SNX1: variants seen among roughly 807,000 people sequenced by gnomAD.
SNX1 encodes sorting nexin 1.
SNX1 carries 36 observed loss-of-function variants against 71.8 expected under a neutral mutation model. The ratio of observed to expected loss-of-function variants is 0.50; its 90% CI spans 0.38 to 0.66. The LOEUF is 0.66. SNX1 is among the 30% of genes least tolerant of loss of function. The probability of loss-of-function intolerance (pLI) is 0.00; values close to 1 mark genes in which losing one functional copy is unlikely to be tolerated. For synonymous variants in SNX1, 254 were observed against 240.7 expected (o/e 1.06, Z -0.51); for missense variants, 612 against 646.7 (o/e 0.95, Z 0.58).
chr15:64,108,245 C>A (rs1193933547), intron 1 of SNX1, among the ~76,000 whole-genome samples: 1 of 151,684 alleles, frequency 6.6e-6, no homozygotes, highest in Non-Finnish European at 1.5e-5. Context: ...TTGGTTTTGC[C>A]ATTGAATGTA....
Position 64,118,103 on chromosome 15 carries a change from C to A in SNX1, c.272-14C>A, listed in dbSNP as rs745897768. The A allele has an allele frequency of 4.3e-6, 7 of 1,609,290 alleles. No individual in the cohort carries two copies. Among genetic ancestry groups the A allele is most frequent in the Non-Finnish European group, 5.9e-6 (7 of 1,178,534 alleles). On this transcript the variant is annotated splice_polypyrimidine_tract_variant and intron_variant, in intron 2 of 14. Coordinates refer to ENST00000559844, the MANE Select transcript of SNX1 (RefSeq NM_003099.5). ...ATTACTGACCTTCATTTTAAAATAT[C>A]AACTTCATTTTAGATGCCACAGTGG...
At chr15:64,122,200 A>T (rs1277383736) in intron 4 of SNX1, among the ~76,000 whole-genome samples, 1 of 151,480 alleles carries the variant, frequency 6.6e-6, no homozygotes, top group African/African-American at 2.4e-5. Flanking sequence ...CTTCTTGGAC[A>T]TTTGACCATA....
chr15:64,101,231 T>G (rs761500956), intron 1 of SNX1, among the ~76,000 whole-genome samples: 1 of 152,230 alleles, frequency 6.6e-6, no homozygotes, highest in Non-Finnish European at 1.5e-5. Flanking sequence ...GATCCAAAAC[T>G]TCCTCATTTT....
rs2081343414 is a variant in SNX1 at position 64,134,987 on chromosome 15, C to G, written c.1365+180C>G. On this transcript the variant is annotated intron_variant, in intron 12 of 14. Coordinates refer to ENST00000559844, the MANE Select transcript of SNX1 (RefSeq NM_003099.5). This position sits in a 1 kb window ranked among gnomAD's most constrained non-coding sequence, Gnocchi z 4.1. ...CAGGCCTTCCTGAGGCCTAGTCCCC[C>G]TGTTCTTTTTCTACTCTACGCAGAC... The G allele has an allele frequency of 1.4e-6, 1 of 719,228 alleles. No homozygotes were observed. Among genetic ancestry groups the G allele is most frequent in the African/African-American group, 1.8e-5 (1 of 55,800 alleles). The allele number at this position is 719,228 out of a possible 1,614,324, so 44.6% of individuals were successfully genotyped here.
intron 1 of SNX1, among the ~76,000 whole-genome samples, chr15:64,105,637 A>G (rs1567317612): frequency 1.3e-5 from 2 of 152,156 alleles, no homozygotes; most frequent in African/African-American, 2.4e-5. Context: ...ACCCATTAAT[A>G]CTGTGATTCT....
At position 64,138,135 on chromosome 15, in the gene SNX1, G is replaced by C. The variant is rs867276808; in HGVS notation, c.*517G>C. ...TTTCTCTACCGTTCACAAGTTTTGT[G>C]CTGCTGCTTCCCTCTGGAAATGGGG... On this transcript the variant is annotated 3_prime_UTR_variant, in exon 15 of 15. Transcript: ENST00000559844. 3.3e-6 allele frequency: 5 copies of C among 1,535,714 alleles called. No homozygotes were observed. Among genetic ancestry groups the C allele is most frequent in the Non-Finnish European group, 4.4e-6 (5 of 1,146,896 alleles).
In SNX1 at chr15:64,136,858, T is replaced by C. The variant is rs372782832; in HGVS notation, c.1447-3T>C. ...ATGGTCAGTGTAGAATCTTGTCTCC[T>C]AGAAAGAGAAATCCAAGGACTTCAA... is the stretch of plus-strand genomic sequence containing the variant. On this transcript the variant is annotated splice_polypyrimidine_tract_variant and splice_region_variant and intron_variant, in intron 13 of 14. Coordinates refer to ENST00000559844, the MANE Select transcript of SNX1 (RefSeq NM_003099.5). 97 of 1,612,618 alleles carry C rather than the reference T, an allele frequency of 6.0e-5. No individual in the cohort carries two copies. Among genetic ancestry groups the C allele is most frequent in the Non-Finnish European group, 8.1e-5 (95 of 1,178,938 alleles).
rs1596016979 is a variant in SNX1, at chr15:64,142,830, A to C, written c.*5212A>C. On this transcript the variant is annotated 3_prime_UTR_variant, in exon 15 of 15. Coordinates refer to ENST00000559844, the MANE Select transcript of SNX1 (RefSeq NM_003099.5). ...AACGGGAATAAGAATTGTCGCCTAC[A>C]CAAAAATACCAGCAACTGTTAACTC... The C allele has an allele frequency of 8.6e-6, 3 of 347,688 alleles. No homozygotes were observed. The East Asian group carries it at 2.6e-4, about 30-fold the overall frequency. The allele number at this position is 347,688 out of a possible 1,614,324, so 21.5% of individuals were successfully genotyped here.
intron 12 of SNX1, chr15:64,135,088 C>A: frequency 2.6e-6 from 1 of 390,132 alleles, no homozygotes; most frequent in Non-Finnish European, 4.6e-6. Context: ...CCAAGGTGGG[C>A]GGATCACTTG....
In SNX1 at chr15:64,129,044, C is replaced by T. The variant is rs1162983232; in HGVS notation, c.808-872C>T. On this transcript the variant is annotated intron_variant, in intron 8 of 14. Coordinates refer to ENST00000559844, the MANE Select transcript of SNX1 (RefSeq NM_003099.5). This position sits in a 1 kb window ranked among gnomAD's most constrained non-coding sequence, Gnocchi z 4.4. ...GGAGGATCACCTGAGGTCAGGAGTT[C>T]GAGACCAGCCTGGCCAACATGGCAA... 1.3e-5 allele frequency among the ~76,000 whole-genome samples: 2 copies of T among 152,022 alleles called. No individual in the cohort carries two copies. The highest frequency in any genetic ancestry group is 1.3e-4 in the Admixed American group (2 of 15,272).
chr15:64,123,437 A>C, intron 4 of SNX1, 66 bp from the exon 5 acceptor site: 1 of 1,378,986 alleles, frequency 7.3e-7, no homozygotes, highest in Non-Finnish European at 1.0e-6. Context: ...TTCCTGGTCA[A>C]ATGTTAGCTG....
In SNX1 at chr15:64,131,760, G is replaced by T; in HGVS notation, c.1089G>T (p.Leu363Phe). 6.2e-7 allele frequency: 1 copy of T among 1,614,204 alleles called. No individual in the cohort carries two copies. Among genetic ancestry groups the T allele is most frequent in the East Asian group, 2.2e-5 (1 of 44,886 alleles). Residue 363 changes from leucine to phenylalanine, a missense_variant, in exon 11 of 15, where the codon TTG becomes TTT. Physicochemically the swap from Leu to Phe is conservative, Grantham distance 22. Transcript: ENST00000559844. ...MLGSSEDNTA[L>F]SRALSQLAEV... ...GGAGCTCTGAGGACAACACGGCATT[G>T]TCACGGGCACTCTCCCAGCTGGCTG...
At chr15:64,097,710 T>G (rs981364182) in intron 1 of SNX1, among the ~76,000 whole-genome samples, 1 of 152,220 alleles carries the variant, frequency 6.6e-6, no homozygotes, top group African/African-American at 2.4e-5. Context: ...CTCATACCAC[T>G]TGGTATAGGT....
rs115588711 is a variant in SNX1 at position 64,136,849 on chromosome 15, C to G, written c.1447-12C>G. ...AAAAACTGGATGGTCAGTGTAGAATCTTGTCTCCTAGAAAGAGAAATCCAA... is the reference window on the plus strand; with the variant it reads ...AAAAACTGGATGGTCAGTGTAGAATGTTGTCTCCTAGAAAGAGAAATCCAA... On this transcript the variant is annotated splice_polypyrimidine_tract_variant and intron_variant, in intron 13 of 14. Coordinates refer to ENST00000559844, the MANE Select transcript of SNX1 (RefSeq NM_003099.5). 2,945 of 1,610,198 alleles carry G rather than the reference C, an allele frequency of 1.8e-3. 47 individuals are homozygous for G. The African/African-American group carries it at 0.034, about 18-fold the overall frequency.
chr15:64,124,576 C>T (rs1352671625), intron 5 of SNX1, among the ~76,000 whole-genome samples: 2 of 151,802 alleles, frequency 1.3e-5, no homozygotes, highest in Non-Finnish European at 2.9e-5. Flanking sequence ...GTTTCTCTCA[C>T]CCATCCTTGA....
At chr15:64,137,533 G>A (rs1369795873) in intron 14 of SNX1, 35 bp from the exon 15 acceptor site, 1 of 1,613,344 alleles carries the variant, frequency 6.2e-7, no homozygotes, top group Non-Finnish European at 8.5e-7. Context: ...GCCACTAGGT[G>A]GGGGCACTTG....
intron 1 of SNX1, 62 bp from the exon 2 acceptor site, chr15:64,112,511 C>T: frequency 1.7e-6 from 2 of 1,159,508 alleles, no homozygotes; most frequent in Non-Finnish European, 2.5e-6. Flanking sequence ...AAGTTGCTTT[C>T]TAGGCAAGTT....
At chr15:64,130,373 G>T in intron 10 of SNX1, 52 bp downstream of exon 10, 3 of 1,407,352 alleles carry the variant, frequency 2.1e-6, no homozygotes, top group South Asian at 1.2e-5. Flanking sequence ...TGTCTCTAGT[G>T]AACTGGAGAT....
Position 64,118,781 on chromosome 15 carries a change from GA to G in SNX1, c.400-2del. ...CAACTCTCATGATTTGTCTTTTCTT[GA>G]AAAAGCTAGAGGAAGAAGAACAGGA... On this transcript the variant is annotated splice_region_variant and splice_polypyrimidine_tract_variant and intron_variant, in intron 3 of 14. Coordinates refer to ENST00000559844, the MANE Select transcript of SNX1 (RefSeq NM_003099.5). 6.2e-7 allele frequency: 1 copy of G among 1,608,474 alleles called. No homozygotes were observed. Among genetic ancestry groups the G allele is most frequent in the Non-Finnish European group, 8.5e-7 (1 of 1,176,302 alleles).
Sources: gnomAD v4.1 joint callset for allele counts (sites outside exome capture counted in the v4.1 genomes callset) on GRCh38, gnomAD v4.1.1 for gene constraint, Gnocchi (gnomAD v3.1) non-coding constraint, MANE v1.5 for transcripts, NCBI Gene and HGNC (gene_info 2026-07-23, HGNC 2026-07-21) for gene names.